SLCO1B3: variants seen among roughly 807,000 people sequenced by gnomAD.
SLCO1B3 encodes the protein liver-specific organic anion transporter 2.
In SLCO1B3, 72 loss-of-function variants were observed where a neutral mutation model predicts 71.8. The ratio of observed to expected loss-of-function variants is 1.00; its 90% confidence interval spans 0.83 to 1.22. The LOEUF is 1.22. Among genes scored for constraint, SLCO1B3 ranks in the 50% most tolerant of loss-of-function variants. The pLI is 0.00. For synonymous variants in SLCO1B3, 298 were observed against 278.4 expected, an observed-to-expected ratio of 1.07 and a Z score of -0.70; for missense variants, 911 against 819.7, an observed-to-expected ratio of 1.11 and a Z score of -1.36.
At chr12:20,833,052 A>G (rs1490131405) in intron 3 of SLCO1B3, among the ~76,000 whole-genome samples, 1 of 152,212 alleles carries the variant, frequency 6.6e-6, no homozygotes, top group Non-Finnish European at 1.5e-5. Flanking sequence ...TTCTAGGGAC[A>G]ATACACTTCT....
At chr12:20,911,177 A>G (rs910012420) in intron 15 of SLCO1B3, among the ~76,000 whole-genome samples, 1 of 152,152 alleles carries the variant, frequency 6.6e-6, no homozygotes, top group Admixed American at 6.6e-5. Context: ...GATTTTGTCA[A>G]ATGCATTTTC....
chr12:20,811,775 T>A (rs1864113795), intron 1 of SLCO1B3, among the ~76,000 whole-genome samples: 1 of 152,172 alleles, frequency 6.6e-6, no homozygotes, highest in Non-Finnish European at 1.5e-5. Flanking sequence ...AGAAATAATA[T>A]GTTCAGAGCA....
chr12:20,857,165 G>A (rs184625812), intron 4 of SLCO1B3, among the ~76,000 whole-genome samples: 1 of 150,162 alleles, frequency 6.7e-6, no homozygotes, highest in African/African-American at 2.5e-5. Context: ...TATTACCACT[G>A]TAATTTTCAT....
chr12:20,896,317 T>C lies in SLCO1B3; in HGVS notation c.1683-2119T>C, dbSNP rs559099544. Among the ~76,000 whole-genome samples, 9 of 152,332 alleles carry C rather than the reference T, an allele frequency of 5.9e-5. No individual in the cohort carries two copies. In the East Asian group the frequency reaches 1.5e-3, roughly 26 times the overall value. ...TCAGACTGCAAATGTTCCAAACTTT[T>C]ATGCTCTGCTTCCCTTATAAAACTG... On this transcript the variant is annotated intron_variant, in intron 13 of 15. Coordinates refer to ENST00000381545, the MANE Select transcript of SLCO1B3 (RefSeq NM_019844.4).
intron 3 of SLCO1B3, chr12:20,845,191 GGGAGAAGC>G: frequency 2.6e-6 from 1 of 387,494 alleles, no homozygotes; most frequent in Non-Finnish European, 5.2e-6. Context: ...GTAGCCACAT[GGGAGAAGC>G]AGATCTACAC....
At chr12:20,883,752 T>A (rs1418239570) in intron 13 of SLCO1B3, 150 bp downstream of exon 13, 19 of 541,044 alleles carry the variant, frequency 3.5e-5, no homozygotes, top group Middle Eastern at 4.7e-4. Context: ...TTTTGATATT[T>A]CAATAACATC....
At position 20,815,933 on chromosome 12, in the gene SLCO1B3, C is replaced by T. The variant is rs555227672; in HGVS notation, c.84+111C>T. On this transcript the variant is annotated intron_variant, in intron 3 of 15. Transcript: ENST00000381545. The stretch of plus-strand genomic sequence containing the variant: ...ATTATATCTCATATTACAATTTTTC[C>T]ATTGAAGCGTACATTAAAATATTAA... The T allele has an allele frequency of 6.6e-5, 35 of 527,874 alleles. No homozygotes were observed. In the South Asian group the frequency reaches 1.1e-3, roughly 17 times the overall value. 32.7% of individuals were successfully genotyped at this position (527,874 alleles called of 1,614,324 possible).
chr12:20,849,355 T>C (rs1565588187), intron 3 of SLCO1B3, among the ~76,000 whole-genome samples: 1 of 151,928 alleles, frequency 6.6e-6, no homozygotes, highest in Non-Finnish European at 1.5e-5. Context: ...TCCAACACCC[T>C]TTCTCAACAC....
At position 20,874,684 on chromosome 12, in the gene SLCO1B3, C is replaced by G. The variant is rs1031419997; in HGVS notation, c.728-551C>G. On this transcript the variant is annotated intron_variant, in intron 8 of 15. Coordinates refer to ENST00000381545, the MANE Select transcript of SLCO1B3 (RefSeq NM_019844.4). Reference sequence around the variant, plus strand: ...TAGAGTCCAATATTTCTGGGTTACTCTTAAACTCAGATTTTCATTTTGCAT... The same window carrying G: ...TAGAGTCCAATATTTCTGGGTTACTGTTAAACTCAGATTTTCATTTTGCAT... 2.0e-5 allele frequency among the ~76,000 whole-genome samples: 3 copies of G among 152,134 alleles called. No individual in the cohort carries two copies. The East Asian group carries it at 5.8e-4, about 29-fold the overall frequency.
intron 3 of SLCO1B3, among the ~76,000 whole-genome samples, chr12:20,853,023 A>C (rs1372773720): frequency 6.6e-6 from 1 of 152,064 alleles, no homozygotes; most frequent in Non-Finnish European, 1.5e-5. Flanking sequence ...TGAGATGATC[A>C]TGTGGTTTTG....
At chr12:20,847,545 T>C (rs7972704) in intron 3 of SLCO1B3, among the ~76,000 whole-genome samples, 8,739 of 118,030 alleles carry the variant, frequency 0.074, 326 homozygotes, top group East Asian at 0.21. Flanking sequence ...TTATGAAATA[T>C]ACATGTTTAT....
At chr12:20,846,969 A>G (rs372643007) in intron 3 of SLCO1B3, among the ~76,000 whole-genome samples, 1 of 152,142 alleles carries the variant, frequency 6.6e-6, no homozygotes, top group Non-Finnish European at 1.5e-5. Flanking sequence ...GTACATTTGT[A>G]TCTCTGTTTT....
At chr12:20,894,047 G>T (rs913038679) in intron 13 of SLCO1B3, among the ~76,000 whole-genome samples, 2 of 152,074 alleles carry the variant, frequency 1.3e-5, no homozygotes, top group African/African-American at 2.4e-5. Context: ...CTATTGTTAG[G>T]GTTTCATTAG....
intron 15 of SLCO1B3, among the ~76,000 whole-genome samples, chr12:20,903,718 T>C (rs1422290921): frequency 6.6e-6 from 1 of 152,096 alleles, no homozygotes; most frequent in Non-Finnish European, 1.5e-5. Context: ...AGGTTCCTTC[T>C]CCAATTCAAC....
intron 3 of SLCO1B3, among the ~76,000 whole-genome samples, chr12:20,831,036 T>C (rs1425134520): frequency 6.6e-6 from 1 of 150,728 alleles, no homozygotes; most frequent in Non-Finnish European, 1.5e-5. Flanking sequence ...AAGATAGCAG[T>C]GTATGTAAGG....
At chr12:20,853,961 TGACCCA>T (rs1176300042) in intron 3 of SLCO1B3, among the ~76,000 whole-genome samples, 1 of 152,044 alleles carries the variant, frequency 6.6e-6, no homozygotes, top group East Asian at 1.9e-4. Flanking sequence ...ATTCCTCCTT[TGACCCA>T]TTGGTTGTGT....
At chr12:20,827,652 A>G (rs539085993) in intron 3 of SLCO1B3, among the ~76,000 whole-genome samples, 2 of 152,064 alleles carry the variant, frequency 1.3e-5, no homozygotes, top group South Asian at 2.1e-4. Flanking sequence ...GTTCACTGCA[A>G]TCTGTATCTC....
intron 10 of SLCO1B3, 58 bp downstream of exon 10, chr12:20,877,994 T>C: frequency 1.1e-5 from 12 of 1,117,374 alleles, no homozygotes; most frequent in Non-Finnish European, 1.5e-5. Context: ...AGTACTTGTG[T>C]TCCAAGTCAC....
chr12:20,874,085 A>T, intron 8 of SLCO1B3, among the ~76,000 whole-genome samples: 1 of 152,180 alleles, frequency 6.6e-6, no homozygotes, highest in African/African-American at 2.4e-5. Flanking sequence ...ATGTATCTTT[A>T]TAATATAATG....
Sources: gnomAD v4.1 joint callset for allele counts (sites outside exome capture counted in the v4.1 genomes callset) on GRCh38, gnomAD v4.1.1 for gene constraint, MANE v1.5 for transcripts, NCBI Gene and HGNC (gene_info 2026-07-23, HGNC 2026-07-21) for gene names.